Variants in PPP2R5C observed in about 807,000 individuals in gnomAD.
The protein encoded by PPP2R5C is serine/threonine-protein phosphatase 2A 56 kDa regulatory subunit gamma isoform.
PPP2R5C carries 7 observed loss-of-function variants against 68.9 expected under a neutral mutation model. That is an observed-to-expected ratio of 0.10 (90% CI 0.06 to 0.19). PPP2R5C has a LOEUF of 0.19. Among genes scored for constraint, PPP2R5C ranks in the 10% least tolerant of loss-of-function variants. The probability of loss-of-function intolerance (pLI) is 1.00; values close to 1 mark genes in which losing one functional copy is unlikely to be tolerated. For missense variants in PPP2R5C, 348 were observed against 641.3 expected (o/e 0.54, Z 4.94); for synonymous variants, 210 against 222.2 (o/e 0.95, Z 0.49).
At chr14:101,889,336 G>A (rs561443061) in intron 5 of PPP2R5C, among the ~76,000 whole-genome samples, 1 of 152,318 alleles carries the variant, frequency 6.6e-6, no homozygotes, top group Admixed American at 6.5e-5. Flanking sequence ...AATCCCAGGT[G>A]CACGAGGCTT....
chr14:101,785,982 G>A, intron 2 of PPP2R5C, 36 bp from the exon 3 acceptor site: 1 of 1,505,618 alleles, frequency 6.6e-7, no homozygotes, highest in Non-Finnish European at 8.9e-7. Flanking sequence ...TACAACCATT[G>A]TACATATTCA....
chr14:101,787,633 G>A (rs1470659056), intron 3 of PPP2R5C, among the ~76,000 whole-genome samples: 1 of 152,054 alleles, frequency 6.6e-6, no homozygotes, highest in Non-Finnish European at 1.5e-5. Flanking sequence ...CAGGCGTGGT[G>A]GCGGGCGCCT....
intron 13 of PPP2R5C, among the ~76,000 whole-genome samples, chr14:101,922,823 TA>T (rs754722063): frequency 2.1e-4 from 31 of 150,864 alleles, no homozygotes; most frequent in African/African-American, 3.9e-4. Flanking sequence ...CTAATAAAAA[TA>T]AAAAAAAAAT....
chr14:101,894,409 T>G, intron 7 of PPP2R5C, 98 bp from the exon 10 acceptor site: 2 of 1,150,770 alleles, frequency 1.7e-6, no homozygotes, highest in Non-Finnish European at 2.6e-6. Flanking sequence ...CGTGGGTCCT[T>G]GTCTTGCTGT....
At chr14:101,808,301 T>C (rs967076606), upstream of PPP2R5C, among the ~76,000 whole-genome samples, 3 of 152,084 alleles carry the variant, frequency 2.0e-5, no homozygotes, top group South Asian at 6.2e-4. Flanking sequence ...TTAATTCTGC[T>C]GTTCAGATAG....
intron 5 of PPP2R5C, among the ~76,000 whole-genome samples, chr14:101,887,527 C>A (rs370514969): frequency 6.6e-6 from 1 of 152,182 alleles, no homozygotes; most frequent in East Asian, 1.9e-4. Context: ...TGCTCCGTGG[C>A]GTGTGCTGGG....
exon 14 of PPP2R5C, chr14:101,925,459 C>T (rs2047249424): frequency 3.8e-6 from 4 of 1,065,650 alleles, no homozygotes; most frequent in Non-Finnish European, 3.8e-6. Flanking sequence ...TCCCAGAGCC[C>T]GCTGGCAGAG....
At chr14:101,829,927 T>C (rs2040635240) in intron 1 of PPP2R5C, among the ~76,000 whole-genome samples, 1 of 150,998 alleles carries the variant, frequency 6.6e-6, no homozygotes. Flanking sequence ...ACACTGGTTT[T>C]AGTGTCCATA....
chr14:101,817,442 T>C (rs1436975367), intron 1 of PPP2R5C, among the ~76,000 whole-genome samples: 4 of 152,200 alleles, frequency 2.6e-5, no homozygotes, highest in Admixed American at 2.6e-4. Context: ...CCAGCCAGTG[T>C]TGGTCCTCTG....
chr14:101,773,870 T>C (rs977593461), intron 2 of PPP2R5C, among the ~76,000 whole-genome samples: 1 of 152,198 alleles, frequency 6.6e-6, no homozygotes, highest in Non-Finnish European at 1.5e-5. Flanking sequence ...ATATTTGGAT[T>C]TTTTTGTAGA....
intron 2 of PPP2R5C, among the ~76,000 whole-genome samples, chr14:101,861,685 G>A (rs996183017): frequency 6.6e-5 from 10 of 152,154 alleles, no homozygotes; most frequent in African/African-American, 1.7e-4. Context: ...TGCTGCCGGC[G>A]CCAGTCAGGA....
intron 2 of PPP2R5C, chr14:101,765,384 C>CCG: frequency 3.2e-6 from 2 of 632,844 alleles, no homozygotes; most frequent in Non-Finnish European, 5.7e-6. Flanking sequence ...TTTTTCCCCT[C>CCG]AGTCTTCAGC....
At chr14:101,924,256 C>T (rs1366416500) in intron 13 of PPP2R5C, among the ~76,000 whole-genome samples, 1 of 151,876 alleles carries the variant, frequency 6.6e-6, no homozygotes, top group Non-Finnish European at 1.5e-5. Context: ...TACAGTTATC[C>T]AAATCCTCAT....
At position 101,888,888 on chromosome 14, in the gene PPP2R5C, G is replaced by A. The variant is rs561909460; in HGVS notation, c.630-1349G>A. Among the ~76,000 whole-genome samples the A allele has an allele frequency of 4.3e-4, 65 of 152,198 alleles. No homozygotes were observed. The highest frequency in any genetic ancestry group is 8.3e-4 in the South Asian group (4 of 4,826). On this transcript the variant is annotated intron_variant, in intron 5 of 13. Transcript: ENST00000334743. The surrounding 1 kb of genome is among the most constrained non-coding windows in gnomAD (Gnocchi z 5.6). ...ATTACAGGCATGAGCCACTGTGCCC[G>A]GCCAGATTTCGGCTTTTCTAAGCTG...
rs116577520 is a variant in PPP2R5C, at chr14:101,903,658, G to A, written c.1023+1769G>A. On this transcript the variant is annotated intron_variant, in intron 9 of 13. Transcript: ENST00000334743. ...ATCTTTTCCAGACACATATGCATAA[G>A]GCCAACTCATTCTTAATTTTTTTTT... is the stretch of plus-strand genomic sequence containing the variant. Among the ~76,000 whole-genome samples, 788 of 152,194 alleles carry A rather than the reference G, an allele frequency of 5.2e-3. 9 individuals carry two copies. The highest frequency in any genetic ancestry group is 0.018 in the African/African-American group (746 of 41,534).
chr14:101,818,087 G>A (rs927462044), intron 1 of PPP2R5C: 3 of 152,104 alleles, frequency 2.0e-5, no homozygotes, highest in African/African-American at 7.3e-5. Context: ...AGTATCATCA[G>A]TACCTCTGGA....
chr14:101,833,757 A>G (rs2140355764), intron 1 of PPP2R5C, among the ~76,000 whole-genome samples: 1 of 152,296 alleles, frequency 6.6e-6, no homozygotes, highest in South Asian at 2.1e-4. Flanking sequence ...CCCTAACATG[A>G]CTAGGGGTTT....
At chr14:101,857,992 C>T (rs908394360) in intron 2 of PPP2R5C, among the ~76,000 whole-genome samples, 1 of 152,162 alleles carries the variant, frequency 6.6e-6, no homozygotes, top group African/African-American at 2.4e-5. Context: ...AGGTTGAGAT[C>T]AACTTGATTG....
rs1354278835 is a variant in PPP2R5C, at chr14:101,883,421, T to A, written c.499-11T>A. On this transcript the variant is annotated splice_polypyrimidine_tract_variant and intron_variant, in intron 4 of 13. Coordinates refer to ENST00000334743, the Ensembl canonical transcript of PPP2R5C. ...GACACCCAGCCACTAAGTGTCTTTT[T>A]CTTCTCAAAGCTTTTAGAGCTCTTT... The A allele has an allele frequency of 6.2e-7, 1 of 1,612,558 alleles. No homozygotes were observed. Among genetic ancestry groups the A allele is most frequent in the Non-Finnish European group, 8.5e-7 (1 of 1,179,734 alleles).
Sources: gnomAD v4.1 joint callset for allele counts (sites outside exome capture counted in the v4.1 genomes callset) on GRCh38, gnomAD v4.1.1 for gene constraint, Gnocchi (gnomAD v3.1) non-coding constraint, MANE v1.5 for transcripts, NCBI Gene and HGNC (gene_info 2026-07-23, HGNC 2026-07-21) for gene names.